KIF19: variants seen among roughly 807,000 people sequenced by gnomAD.
The protein encoded by KIF19 is kinesin family member 19.
In KIF19, 98 loss-of-function variants were observed where a neutral mutation model predicts 106.6. The ratio of observed to expected loss-of-function variants is 0.92; its 90% CI spans 0.78 to 1.09. The LOEUF is 1.09. Ranked by LOEUF, KIF19 falls within the 50% of genes least tolerant of loss-of-function variation. The pLI is 0.00. For missense variants in KIF19, 1,373 were observed against 1,414.3 expected (o/e 0.97, Z 0.47); for synonymous variants, 516 against 584.2 (o/e 0.88, Z 1.68).
At chr17:74,340,818 T>A (rs9892531) in intron 2 of KIF19, among the ~76,000 whole-genome samples, 2 of 152,290 alleles carry the variant, frequency 1.3e-5, no homozygotes, top group South Asian at 4.1e-4. Flanking sequence ...CTCTTTGCTC[T>A]GTCCCAGGCT....
At chr17:74,328,213 C>T (rs2053966570) in intron 1 of KIF19, among the ~76,000 whole-genome samples, 1 of 137,532 alleles carries the variant, frequency 7.3e-6, no homozygotes, top group Non-Finnish European at 1.5e-5. Context: ...GGGGCTCTCC[C>T]GGAGGCCAGG....
In KIF19 at chr17:74,351,947, C is replaced by T. The variant is rs1465450426; in HGVS notation, c.1668C>T (p.Ser556=). The T allele has an allele frequency of 1.3e-5, 20 of 1,493,976 alleles. No individual in the cohort carries two copies. The highest frequency in any genetic ancestry group is 2.2e-5 in the Admixed American group (1 of 45,752). The allele number at this position is 1,493,976 out of a possible 1,614,324, so 92.5% of individuals were successfully genotyped here. The change falls in exon 13 of 20, where the codon TCC becomes TCT. Residue 556 remains serine (S), a synonymous_variant. Transcript: ENST00000389916. ...AGACGCTGCCGCGGCGCATCGGCTCCGAGGAGCAGCGCGAGGTGCTCAGCC... is the reference window on the plus strand; with the variant it reads ...AGACGCTGCCGCGGCGCATCGGCTCTGAGGAGCAGCGCGAGGTGCTCAGCC... ...LEETLPRRIG[S]EEQREVLSLL... is the part of the protein sequence containing the mutation.
intron 4 of KIF19, 33 bp from the exon 5 acceptor site, chr17:74,342,991 A>AC: frequency 8.8e-7 from 1 of 1,133,772 alleles, no homozygotes; most frequent in Non-Finnish European, 1.3e-6. Context: ...TCCCAGCCCC[A>AC]CCCCGGTCAC....
At chr17:74,326,539 C>T (rs2053914425) in intron 1 of KIF19, among the ~76,000 whole-genome samples, 151 bp downstream of exon 1, 1 of 152,194 alleles carries the variant, frequency 6.6e-6, no homozygotes, top group African/African-American at 2.4e-5. Flanking sequence ...TTCCCCAAGT[C>T]CTGCAGGATG....
intron 2 of KIF19, among the ~76,000 whole-genome samples, chr17:74,336,860 C>T (rs970836619): frequency 9.9e-5 from 15 of 152,154 alleles, no homozygotes; most frequent in Non-Finnish European, 2.2e-4. Context: ...GAGTCTCGCT[C>T]TGTCACCCAG....
Position 74,350,694 on chromosome 17 carries a change from G to C in KIF19, c.1389-13G>C, listed in dbSNP as rs1056235856. 1.9e-6 allele frequency: 3 copies of C among 1,613,430 alleles called. No homozygotes were observed. Among genetic ancestry groups the C allele is most frequent in the Non-Finnish European group, 2.5e-6 (3 of 1,179,768 alleles). ...GCCTGAATGCCCTGTCTCTCTGGGT[G>C]GGGCTGCGGCAGCTGGAAGCATGAG... On this transcript the variant is annotated splice_polypyrimidine_tract_variant and intron_variant, in intron 11 of 19. Coordinates refer to ENST00000389916, the MANE Select transcript of KIF19 (RefSeq NM_153209.4).
At chr17:74,329,716 T>G (rs1184111342) in intron 2 of KIF19, among the ~76,000 whole-genome samples, 2 of 151,956 alleles carry the variant, frequency 1.3e-5, no homozygotes. Context: ...CCAGGATGTT[T>G]GTTTGGGTAG....
At chr17:74,347,409 C>T (rs189327177) in intron 8 of KIF19, among the ~76,000 whole-genome samples, 117 of 152,060 alleles carry the variant, frequency 7.7e-4, no homozygotes, top group African/African-American at 2.5e-3. Context: ...TGGTGGCAGA[C>T]GCCTATAGTC....
chr17:74,331,307 C>T lies in KIF19; in HGVS notation c.120+2802C>T, dbSNP rs373708980. Among the ~76,000 whole-genome samples, 2 of 152,102 alleles carry T rather than the reference C, an allele frequency of 1.3e-5. 1 individual carries two copies. Among genetic ancestry groups the T allele is most frequent in the East Asian group, 3.9e-4 (2 of 5,188 alleles). ...TCCTAAGGCCTGGAGGCACCATGGACAGGTGGGTGTATTTGGGAGCTGAGC... is the reference window on the plus strand; with the variant it reads ...TCCTAAGGCCTGGAGGCACCATGGATAGGTGGGTGTATTTGGGAGCTGAGC... On this transcript the variant is annotated intron_variant, in intron 2 of 19. Coordinates refer to ENST00000389916, the MANE Select transcript of KIF19 (RefSeq NM_153209.4). The surrounding 1 kb of genome is among the most constrained non-coding windows in gnomAD (Gnocchi z 4.1).
intron 2 of KIF19, among the ~76,000 whole-genome samples, chr17:74,330,229 G>T (rs2054039009): frequency 6.6e-6 from 1 of 152,230 alleles, no homozygotes; most frequent in Non-Finnish European, 1.5e-5. Flanking sequence ...GGTTCGAGGA[G>T]GTTCTGCCAT....
intron 1 of KIF19, among the ~76,000 whole-genome samples, chr17:74,327,913 A>G (rs575423958): frequency 6.6e-6 from 1 of 152,288 alleles, no homozygotes; most frequent in South Asian, 2.1e-4. Context: ...CCCATTTCAC[A>G]CTGGCTGGAG....
At chr17:74,332,193 TGTGTGTGTGTGTGTGTTTGTG>T (rs2054104305) in intron 2 of KIF19, among the ~76,000 whole-genome samples, 2 of 61,148 alleles carry the variant, frequency 3.3e-5, no homozygotes, top group African/African-American at 1.2e-4. Context: ...TGTGTGTGTG[TGTGTGTGTGTGTGTGTTTGTG>T]TGTGTGTGTG....
At chr17:74,350,142 A>G (rs1258816434) in intron 10 of KIF19, among the ~76,000 whole-genome samples, 4 of 152,134 alleles carry the variant, frequency 2.6e-5, no homozygotes, top group Non-Finnish European at 5.9e-5. Context: ...GTTGGCACAG[A>G]GGTGCTGTAA....
rs1011353111 is a variant in KIF19 at position 74,346,776 on chromosome 17, G to C, written c.924+252G>C. On this transcript the variant is annotated intron_variant, in intron 8 of 19. Coordinates refer to ENST00000389916, the MANE Select transcript of KIF19 (RefSeq NM_153209.4). The surrounding 1 kb of genome is among the most constrained non-coding windows in gnomAD (Gnocchi z 4.6). ...GACCCTAACCAAAGGCTGGGCAATG[G>C]GAAGGAAAAGGAGCACGTGATACCC... Among the ~76,000 whole-genome samples the C allele has an allele frequency of 6.6e-6, 1 of 152,198 alleles. No homozygotes were observed. Among genetic ancestry groups the C allele is most frequent in the Admixed American group, 6.5e-5 (1 of 15,276 alleles).
rs200266604 is a variant in KIF19, at chr17:74,352,050, C to T, written c.1771C>T (p.Arg591Cys). 28 of 1,582,802 alleles carry T rather than the reference C, an allele frequency of 1.8e-5. No homozygotes were observed. Among genetic ancestry groups the T allele is most frequent in the Non-Finnish European group, 2.0e-5 (23 of 1,170,798 alleles). ...SHALLRDGAL[R>C]HRHEAVRRLE... ...CGCGCTGCTCCGCGACGGTGCGCTC[C>T]GCCACCGCCACGAGGCCGTGCGCCG... Residue 591 changes from arginine to cysteine, a missense_variant, in exon 13 of 20, where the codon CGC becomes TGC. This residue lies in a region of KIF19 where 1,020 missense variants were observed against 1,008.2 expected (regional missense o/e 1.01). Transcript: ENST00000389916.
Position 74,352,796 on chromosome 17 carries a change from T to C in KIF19, c.1981-25T>C, listed in dbSNP as rs1467307286. The C allele has an allele frequency of 4.3e-6, 7 of 1,613,612 alleles. 1 individual carries two copies. The highest frequency in any genetic ancestry group is 3.3e-4 in the Middle Eastern group (2 of 6,084). ...GGTCCAGGACCAAATCTTCTAACTG[T>C]CCACCCTGGCTCCCTCCTCCCCAGG... On this transcript the variant is annotated intron_variant, in intron 14 of 19. Transcript: ENST00000389916.
rs546339398 is a variant in KIF19, at chr17:74,348,585, G to C, written c.1048-599G>C. On this transcript the variant is annotated intron_variant, in intron 9 of 19. Transcript: ENST00000389916. ...CTTGCCAGCTGCTGCCCTGAGGGCT[G>C]TAAGTTTTATTCCAACCCCTCAATG... 2.2e-4 allele frequency: 14 copies of C among 64,930 alleles called. 1 individual carries two copies. In the Middle Eastern group the frequency reaches 3.9e-3, roughly 18 times the overall value. The allele number at this position is 64,930 out of a possible 1,614,324, so 4.0% of individuals were successfully genotyped here.
At chr17:74,354,007 C>T (rs927938238) in intron 17 of KIF19, among the ~76,000 whole-genome samples, 155 bp from the exon 18 acceptor site, 4 of 152,216 alleles carry the variant, frequency 2.6e-5, no homozygotes, top group African/African-American at 7.2e-5. Flanking sequence ...AAGTGAGGCT[C>T]GGAAATGGGC....
intron 5 of KIF19, 54 bp from the exon 6 acceptor site, chr17:74,344,169 G>A: frequency 3.2e-6 from 5 of 1,556,390 alleles, no homozygotes; most frequent in Non-Finnish European, 4.4e-6. Context: ...CCCTGGCCTT[G>A]ACCTCCTGCC....
Sources: gnomAD v4.1 joint callset for allele counts (sites outside exome capture counted in the v4.1 genomes callset) on GRCh38, gnomAD v4.1.1 for gene constraint, gnomAD v4.1.1 regional missense constraint, Gnocchi (gnomAD v3.1) non-coding constraint, MANE v1.5 for transcripts, NCBI Gene and HGNC (gene_info 2026-07-23, HGNC 2026-07-21) for gene names.